DCUN1D1: variants seen among roughly 807,000 people sequenced by gnomAD.
The protein encoded by DCUN1D1 is defective in cullin neddylation 1 domain containing 1, also known as DCN1-like protein 1.
DCUN1D1 carries 3 observed loss-of-function variants against 39.0 expected under a neutral mutation model. That is an observed-to-expected ratio of 0.08 (90% CI 0.04 to 0.20). The LOEUF is 0.20. Ranked by LOEUF, DCUN1D1 falls within the 10% of genes least tolerant of loss-of-function variation. DCUN1D1 has a pLI of 1.00. For missense variants in DCUN1D1, 158 were observed against 302.4 expected (o/e 0.52, Z 3.54); for synonymous variants, 82 against 96.3 (o/e 0.85, Z 0.87).
At chr3:182,974,078 C>T (rs557978948) in intron 1 of DCUN1D1, among the ~76,000 whole-genome samples, 1 of 151,784 alleles carries the variant, frequency 6.6e-6, no homozygotes, top group African/African-American at 2.4e-5. Context: ...ATGCTGAAAC[C>T]CTGTCTCTAC....
rs1204758865 is a variant in DCUN1D1 at position 182,939,477 on chromosome 3, A to G, written c.*5617T>C. ...CAAATGTCTATCAACTGGTGAATGG[A>G]TAAACAAAATGTGGTATATCCAAAC... On this transcript the variant is annotated 3_prime_UTR_variant, in exon 7 of 7. Coordinates refer to ENST00000292782, the MANE Select transcript of DCUN1D1 (RefSeq NM_020640.4). 1.3e-5 allele frequency: 2 copies of G among 152,222 alleles called. No individual in the cohort carries two copies. The highest frequency in any genetic ancestry group is 6.5e-5 in the Admixed American group (1 of 15,274). 9.4% of individuals were successfully genotyped at this position (152,222 alleles called of 1,614,324 possible).
At position 182,965,894 on chromosome 3, in the gene DCUN1D1, T is replaced by G. The variant is rs145604724; in HGVS notation, c.4-141A>C. Reference sequence around the variant, plus strand: ...ATTTTAGCTTAAGATTTATTTTTGATCTATTATTCATCAGAAAGGCTAACT... The same window carrying G: ...ATTTTAGCTTAAGATTTATTTTTGAGCTATTATTCATCAGAAAGGCTAACT... On this transcript the variant is annotated intron_variant, in intron 1 of 6. Coordinates refer to ENST00000292782, the MANE Select transcript of DCUN1D1 (RefSeq NM_020640.4). 23 of 634,758 alleles carry G rather than the reference T, an allele frequency of 3.6e-5. No homozygotes were observed. In the East Asian group the frequency reaches 6.3e-4, roughly 17 times the overall value. The allele number at this position is 634,758 out of a possible 1,614,324, so 39.3% of individuals were successfully genotyped here.
At chr3:182,951,492 TGTAGTCCCAGCTACTCA>T (rs1327040371) in intron 4 of DCUN1D1, among the ~76,000 whole-genome samples, 1 of 151,348 alleles carries the variant, frequency 6.6e-6, no homozygotes, top group Non-Finnish European at 1.5e-5. Flanking sequence ...TGTACATGCC[TGTAGTCCCAGCTACTCA>T]AGAGGTTGAG....
intron 1 of DCUN1D1, 61 bp downstream of exon 1, chr3:182,980,426 G>C: frequency 9.7e-7 from 1 of 1,028,714 alleles, no homozygotes; most frequent in Non-Finnish European, 1.2e-6. Context: ...GGCCGGGGCG[G>C]GGGTGCGCGG....
chr3:182,963,844 T>C (rs777081423), intron 3 of DCUN1D1, 37 bp downstream of exon 3: 2 of 1,489,400 alleles, frequency 1.3e-6, no homozygotes, highest in Middle Eastern at 2.0e-4. Flanking sequence ...AGTTCCACAG[T>C]AACATATCTA....
chr3:182,956,251 T>G, intron 4 of DCUN1D1: 1 of 288,710 alleles, frequency 3.5e-6, no homozygotes, highest in East Asian at 9.1e-5. Context: ...TGAAGCTAAA[T>G]ATATTCTGGT....
chr3:182,980,443 C>G, intron 1 of DCUN1D1, 44 bp downstream of exon 1: 1 of 1,084,764 alleles, frequency 9.2e-7, no homozygotes, highest in Non-Finnish European at 1.1e-6. Flanking sequence ...GCGGCAGCGC[C>G]GGCCCCCAGC....
At chr3:182,965,866 A>C (rs1727641949) in intron 1 of DCUN1D1, 113 bp from the exon 2 acceptor site, 1 of 684,510 alleles carries the variant, frequency 1.5e-6, no homozygotes, top group South Asian at 2.0e-5. Flanking sequence ...AAAACATTAA[A>C]ACATTTTAGC....
intron 3 of DCUN1D1, among the ~76,000 whole-genome samples, chr3:182,962,874 G>T (rs553981534): frequency 1.3e-5 from 2 of 152,020 alleles, no homozygotes; most frequent in Non-Finnish European, 2.9e-5. Flanking sequence ...TCCGCCTCCC[G>T]GGTTCAAGCG....
intron 5 of DCUN1D1, 79 bp from the exon 6 acceptor site, chr3:182,947,413 C>T (rs1302110780): frequency 8.6e-7 from 1 of 1,161,084 alleles, no homozygotes; most frequent in East Asian, 2.5e-5. Flanking sequence ...ATTTGAAATA[C>T]AAGAATGCAA....
At chr3:182,951,271 A>AT (rs981129671) in intron 4 of DCUN1D1, among the ~76,000 whole-genome samples, 3 of 152,042 alleles carry the variant, frequency 2.0e-5, no homozygotes, top group African/African-American at 7.2e-5. Flanking sequence ...TTGCTAGTAT[A>AT]TTTTTTTCCT....
intron 1 of DCUN1D1, among the ~76,000 whole-genome samples, chr3:182,975,862 A>C (rs926714606): frequency 1.9e-4 from 29 of 151,118 alleles, no homozygotes; most frequent in African/African-American, 7.0e-4. Context: ...AAAAAAAAAA[A>C]AAAAAAAAAA....
intron 1 of DCUN1D1, among the ~76,000 whole-genome samples, chr3:182,974,759 A>T (rs1728126884): frequency 1.1e-5 from 1 of 89,954 alleles, no homozygotes; most frequent in African/African-American, 2.8e-5. Flanking sequence ...AGTATAATAG[A>T]CTTTAAAAAA....
chr3:182,943,587 A>AT lies in DCUN1D1; in HGVS notation c.*1506dup, dbSNP rs1317124636. The AT allele has an allele frequency of 1.3e-5, 2 of 152,306 alleles. No individual in the cohort carries two copies. Among genetic ancestry groups the AT allele is most frequent in the Non-Finnish European group, 2.9e-5 (2 of 68,024 alleles). 9.4% of individuals were successfully genotyped at this position (152,306 alleles called of 1,614,324 possible). ...CTATTCTAAGTACATTCCTTTGTTAATATCAACCCTAGACCTTAGAGAGTG... is the reference window on the plus strand; with the variant it reads ...CTATTCTAAGTACATTCCTTTGTTAATTATCAACCCTAGACCTTAGAGAGTG... On this transcript the variant is annotated 3_prime_UTR_variant, in exon 7 of 7. Coordinates refer to ENST00000292782, the MANE Select transcript of DCUN1D1 (RefSeq NM_020640.4).
intron 1 of DCUN1D1, among the ~76,000 whole-genome samples, chr3:182,976,358 C>T (rs978236917): frequency 2.0e-5 from 3 of 151,800 alleles, no homozygotes; most frequent in Non-Finnish European, 4.4e-5. Flanking sequence ...CTTACAGTGT[C>T]CACCCATGCC....
chr3:182,963,006 C>CCAAA (rs1454424512), intron 3 of DCUN1D1, among the ~76,000 whole-genome samples: 1 of 152,108 alleles, frequency 6.6e-6, no homozygotes, highest in African/African-American at 2.4e-5. Context: ...TCTCAAACTC[C>CCAAA]CAAACTAAGG....
chr3:182,955,443 A>G (rs1340002020), intron 4 of DCUN1D1: 8 of 541,878 alleles, frequency 1.5e-5, no homozygotes, highest in African/African-American at 9.6e-5. Context: ...TCATAGGCAC[A>G]TGGTCTACAC....
chr3:182,950,855 A>C (rs1256457891), intron 4 of DCUN1D1: 2 of 151,774 alleles, frequency 1.3e-5, no homozygotes, highest in African/African-American at 4.8e-5. Context: ...AAATGCAAAA[A>C]AATTGGCCGG....
intron 1 of DCUN1D1, among the ~76,000 whole-genome samples, chr3:182,973,345 G>A (rs1333217100): frequency 1.3e-5 from 2 of 152,146 alleles, no homozygotes; most frequent in Admixed American, 6.5e-5. Flanking sequence ...TTTATTTCTG[G>A]AACTTTTCAT....
Sources: gnomAD v4.1 joint callset for allele counts (sites outside exome capture counted in the v4.1 genomes callset) on GRCh38, gnomAD v4.1.1 for gene constraint, MANE v1.5 for transcripts, NCBI Gene and HGNC (gene_info 2026-07-23, HGNC 2026-07-21) for gene names.